The following NAMPT variants were observed in gnomAD, a reference collection of about 807,000 sequenced individuals.
The protein encoded by NAMPT is NAmPRTase.
A neutral mutation model predicts 58.7 loss-of-function variants in NAMPT; 7 were observed. The ratio of observed to expected loss-of-function variants is 0.12; its 90% CI spans 0.07 to 0.22. The LOEUF (loss-of-function observed/expected upper bound fraction) is 0.22, where lower values mean the gene tolerates loss of function less well. NAMPT is among the 10% of genes least tolerant of loss of function. The pLI, the probability that NAMPT is intolerant of heterozygous loss-of-function variation, is 1.00. For synonymous variants in NAMPT, 145 were observed against 198.1 expected (o/e 0.73, Z 2.25); for missense variants, 271 against 567.9 (o/e 0.48, Z 5.31).
At chr7:106,262,960 C>A (rs1197855642) in intron 7 of NAMPT, among the ~76,000 whole-genome samples, 1 of 152,018 alleles carries the variant, frequency 6.6e-6, no homozygotes, top group Non-Finnish European at 1.5e-5. Context: ...TTCTAAAGAA[C>A]CTCCACTTGA....
intron 1 of NAMPT, 102 bp downstream of exon 1, chr7:106,284,726 G>A: frequency 2.2e-6 from 1 of 464,966 alleles, no homozygotes; most frequent in Non-Finnish European, 2.9e-6. Flanking sequence ...CCTAGCCCCA[G>A]CCCCAGCCCC....
upstream of NAMPT, chr7:106,285,162 C>T (rs1040159707): frequency 2.8e-5 from 35 of 1,246,690 alleles, no homozygotes; most frequent in East Asian, 2.8e-4. Context: ...CGTCACCCTC[C>T]GGGGGCCGAG....
intron 8 of NAMPT, among the ~76,000 whole-genome samples, chr7:106,255,258 A>AAGTTT (rs1026574174): frequency 6.6e-6 from 1 of 152,210 alleles, no homozygotes; most frequent in Admixed American, 6.5e-5. Context: ...CACCAAAGTC[A>AAGTTT]AGTTTATTTA....
chr7:106,284,644 C>G, intron 1 of NAMPT, 184 bp downstream of exon 1: 1 of 563,770 alleles, frequency 1.8e-6, no homozygotes, highest in Non-Finnish European at 2.4e-6. Context: ...CACCTCCTGC[C>G]CACTGCGGCG....
chr7:106,266,488 C>T (rs1379034901), intron 6 of NAMPT, among the ~76,000 whole-genome samples: 1 of 152,162 alleles, frequency 6.6e-6, no homozygotes, highest in African/African-American at 2.4e-5. Context: ...CTCTTATTTT[C>T]CCAGTTTCCT....
chr7:106,285,035 C>T (rs1329196514), upstream of NAMPT: 2 of 1,381,616 alleles, frequency 1.4e-6, no homozygotes, highest in African/African-American at 1.5e-5. Context: ...GGGGAGGGGT[C>T]AGAGGAGGGC....
intron 2 of NAMPT, 186 bp from the exon 3 acceptor site, chr7:106,275,235 A>G (rs1792610070): frequency 5.0e-6 from 2 of 402,526 alleles, no homozygotes. Flanking sequence ...TTAATAACTC[A>G]AAGTATAAAT....
Position 106,261,618 on chromosome 7 carries a change from C to A in NAMPT, c.1059G>T (p.Gly353=), listed in dbSNP as rs1250177207. The change falls in exon 8 of 11, where the codon GGG becomes GGT. Residue 353 remains glycine, a synonymous_variant. Transcript: ENST00000222553. ...GTAAGGTATTAATATCTACTCCATC[C>A]CCTTGAATAACTCTAAGATAAGGTG... ...LLPPYLRVIQ[G]DGVDINTLQE... is the part of the protein sequence containing the mutation. 2 of 1,587,718 alleles carry A rather than the reference C, an allele frequency of 1.3e-6. No individual in the cohort carries two copies. The highest frequency in any genetic ancestry group is 1.1e-5 in the South Asian group (1 of 90,484).
At chr7:106,282,568 T>C (rs896528786) in intron 1 of NAMPT, among the ~76,000 whole-genome samples, 3 of 152,222 alleles carry the variant, frequency 2.0e-5, no homozygotes, top group South Asian at 2.1e-4. Flanking sequence ...TTCCTTACTA[T>C]ATACAATAAA....
At chr7:106,260,835 T>G (rs1792289283) in intron 8 of NAMPT, among the ~76,000 whole-genome samples, 1 of 152,192 alleles carries the variant, frequency 6.6e-6, no homozygotes, top group Non-Finnish European at 1.5e-5. Context: ...ACACACAGTA[T>G]TTATCAATTA....
chr7:106,274,972 C>G lies in NAMPT; in HGVS notation c.292G>C (p.Glu98Gln). 1 of 1,610,766 alleles carries G rather than the reference C, an allele frequency of 6.2e-7. No homozygotes were observed. The highest frequency in any genetic ancestry group is 8.5e-7 in the Non-Finnish European group (1 of 1,177,298). ...TCAAGAATGTAGTTCCATCCCTTTTCATTAAAGACATCATCTTGGAAATGT... is the reference window on the plus strand; with the variant it reads ...TCAAGAATGTAGTTCCATCCCTTTTGATTAAAGACATCATCTTGGAAATGT... ...KEHFQDDVFNEKGWNYILEKY... is the reference protein window; with the variant it reads ...KEHFQDDVFNQKGWNYILEKY... Residue 98 changes from glutamate (E) to glutamine (Q), a missense_variant, in exon 3 of 11, where the codon GAA becomes CAA. Physicochemically the swap from Glu to Gln is conservative, Grantham distance 29 (BLOSUM62 2). This residue lies in a region of NAMPT where 103 missense variants were observed against 194.2 expected (regional missense o/e 0.53). Coordinates refer to ENST00000222553, the MANE Select transcript of NAMPT (RefSeq NM_005746.3).
intron 8 of NAMPT, among the ~76,000 whole-genome samples, chr7:106,256,018 TA>T (rs1792192530): frequency 6.6e-6 from 1 of 152,220 alleles, no homozygotes; most frequent in South Asian, 2.1e-4. Context: ...CCAAAAGTTT[TA>T]AAATTTAGAC....
chr7:106,252,002 C>T (rs771559786), intron 10 of NAMPT, among the ~76,000 whole-genome samples: 2 of 151,964 alleles, frequency 1.3e-5, no homozygotes, highest in Non-Finnish European at 2.9e-5. Flanking sequence ...TGTGTTGCTT[C>T]AAACCACAGT....
intron 4 of NAMPT, 81 bp downstream of exon 4, chr7:106,272,449 A>G: frequency 7.9e-7 from 1 of 1,271,066 alleles, no homozygotes; most frequent in East Asian, 2.6e-5. Context: ...TAGCTTTATT[A>G]GTAACAAATT....
Position 106,279,309 on chromosome 7 carries a change from G to A in NAMPT, c.58-2130C>T, listed in dbSNP as rs187141562. 1.2e-4 allele frequency among the ~76,000 whole-genome samples: 18 copies of A among 152,220 alleles called. 1 individual carries two copies. The East Asian group carries it at 1.7e-3, about 15-fold the overall frequency. ...AGTATCGTTTTAGAATATAGCTAAC[G>A]CATCTAAGTTATCTAGGCAAACTCG... On this transcript the variant is annotated intron_variant, in intron 1 of 10. Coordinates refer to ENST00000222553, the MANE Select transcript of NAMPT (RefSeq NM_005746.3).
Position 106,261,602 on chromosome 7 carries a change from T to G in NAMPT, c.1075A>C (p.Asn359His). ...RVIQGDGVDI[N>H]TLQEIVEGMK... is the part of the protein sequence containing the mutation. ...AAAACACATACCTCTTGTAAGGTAT[T>G]AATATCTACTCCATCCCCTTGAATA... Residue 359 changes from asparagine (N) to histidine (H), a missense_variant, in exon 8 of 11, where the codon AAT becomes CAT. By Grantham distance (68) the Asn-to-His change is moderately conservative. Coordinates refer to ENST00000222553, the MANE Select transcript of NAMPT (RefSeq NM_005746.3). 6.3e-7 allele frequency: 1 copy of G among 1,579,464 alleles called. No homozygotes were observed. Among genetic ancestry groups the G allele is most frequent in the African/African-American group, 1.3e-5 (1 of 74,182 alleles).
At chr7:106,276,854 A>C (rs1792656778) in intron 2 of NAMPT, 169 bp downstream of exon 2, 6 of 602,454 alleles carry the variant, frequency 1.0e-5, no homozygotes, top group Non-Finnish European at 1.1e-5. Context: ...AAAAAAAAAA[A>C]AAAACCTTTT....
chr7:106,273,779 A>C (rs1034429908), intron 3 of NAMPT, among the ~76,000 whole-genome samples: 2 of 152,138 alleles, frequency 1.3e-5, no homozygotes, highest in Admixed American at 6.5e-5. Context: ...GATTCTATTG[A>C]CCTTATTTAA....
At chr7:106,269,083 C>T (rs1028990355) in intron 5 of NAMPT, 71 bp downstream of exon 5, 1 of 1,433,386 alleles carries the variant, frequency 7.0e-7, no homozygotes, top group African/African-American at 1.4e-5. Flanking sequence ...AATAACGTCC[C>T]CAAAAGTTTA....
Sources: allele counts gnomAD v4.1 joint callset (sites outside exome capture counted in the v4.1 genomes callset), GRCh38; gene constraint gnomAD v4.1.1; regional missense constraint gnomAD v4.1.1; transcripts MANE v1.5; gene names NCBI Gene and HGNC (gene_info 2026-07-23, HGNC 2026-07-21).